EPC2: variants seen among roughly 807,000 people sequenced by gnomAD.
EPC2 encodes enhancer of polycomb homolog 2.
EPC2 carries 14 observed loss-of-function variants against 92.1 expected under a neutral mutation model. The ratio of observed to expected loss-of-function variants is 0.15; its 90% CI spans 0.10 to 0.24. The LOEUF (loss-of-function observed/expected upper bound fraction) is 0.24. Among genes scored for constraint, EPC2 ranks in the 10% least tolerant of loss-of-function variants. The pLI, the probability that EPC2 is intolerant of heterozygous loss-of-function variation, is 1.00. For missense variants in EPC2, 755 were observed against 971.5 expected, an observed-to-expected ratio of 0.78 and a Z score of 2.96; for synonymous variants, 340 against 334.7, an observed-to-expected ratio of 1.02 and a Z score of -0.17.
intron 2 of EPC2, among the ~76,000 whole-genome samples, chr2:148,701,490 T>G (rs1481159309): frequency 6.6e-6 from 1 of 152,246 alleles, no homozygotes; most frequent in African/African-American, 2.4e-5. Context: ...TGTCAAATGC[T>G]TTTTCTACAT....
At chr2:148,678,889 AG>A (rs943048405) in intron 1 of EPC2, among the ~76,000 whole-genome samples, 14 of 152,232 alleles carry the variant, frequency 9.2e-5, no homozygotes, top group Non-Finnish European at 2.1e-4. Context: ...GTGGGAGCCC[AG>A]GCAGAGGAGG....
chr2:148,752,617 A>G (rs1215266307), intron 3 of EPC2, among the ~76,000 whole-genome samples: 1 of 152,190 alleles, frequency 6.6e-6, no homozygotes, highest in East Asian at 1.9e-4. Context: ...AATGCACTAA[A>G]TGTAATTGTG....
Position 148,783,629 on chromosome 2 carries a change from A to G in EPC2, c.1890A>G (p.Thr630=). The change falls in exon 12 of 14, where the codon ACA becomes ACG. Residue 630 remains threonine (T), a synonymous_variant. Transcript: ENST00000258484. Reference sequence around the variant, plus strand: ...GCACCTCTGACTGTATGTCTAAAACACTTGACTCAGCCAGCGCCCACTTTG... The same window carrying G: ...GCACCTCTGACTGTATGTCTAAAACGCTTGACTCAGCCAGCGCCCACTTTG... The part of the protein sequence containing the change: ...GSSTSDCMSK[T]LDSASAHFAA... 1.2e-6 allele frequency: 2 copies of G among 1,608,076 alleles called. No individual in the cohort carries two copies. The highest frequency in any genetic ancestry group is 1.7e-6 in the Non-Finnish European group (2 of 1,177,048).
chr2:148,668,630 G>T (rs576314014), intron 1 of EPC2, among the ~76,000 whole-genome samples: 41 of 152,294 alleles, frequency 2.7e-4, no homozygotes, highest in African/African-American at 9.6e-4. Flanking sequence ...AAGGCTAACA[G>T]TTTCTTCCCA....
chr2:148,647,698 T>A (rs1683833084), intron 1 of EPC2, among the ~76,000 whole-genome samples: 1 of 141,284 alleles, frequency 7.1e-6, no homozygotes, highest in South Asian at 2.3e-4. Flanking sequence ...AGTGGCGCGA[T>A]CTCAGCTCAC....
Position 148,653,268 on chromosome 2 carries a change from T to C in EPC2, c.153+8098T>C, listed in dbSNP as rs983339725. 7.2e-5 allele frequency among the ~76,000 whole-genome samples: 11 copies of C among 152,246 alleles called. 1 individual carries two copies. Among genetic ancestry groups the C allele is most frequent in the Admixed American group, 2.6e-4 (4 of 15,288 alleles). ...GTTGTATTGGTAAACAATGCAGCTC[T>C]GCATCTTCATTTAGTTTTAAGTAGA... On this transcript the variant is annotated intron_variant, in intron 1 of 13. Coordinates refer to ENST00000258484, the MANE Select transcript of EPC2 (RefSeq NM_015630.4).
At chr2:148,764,464 C>T (rs751787875) in intron 6 of EPC2, among the ~76,000 whole-genome samples, 5 of 152,098 alleles carry the variant, frequency 3.3e-5, no homozygotes, top group Admixed American at 1.3e-4. Flanking sequence ...ATTATACATT[C>T]TAAAAAGTGA....
At chr2:148,658,609 A>G (rs2382240) in intron 1 of EPC2, among the ~76,000 whole-genome samples, 451 of 8,306 alleles carry the variant, frequency 0.054, 3 homozygotes, top group Middle Eastern at 0.36. Flanking sequence ...GTGTGTGTGT[A>G]TATATATATA....
chr2:148,779,370 C>T (rs1423066820), intron 10 of EPC2, among the ~76,000 whole-genome samples: 1 of 152,106 alleles, frequency 6.6e-6, no homozygotes, highest in African/African-American at 2.4e-5. Flanking sequence ...TCATTTGCAG[C>T]CATGAACTGG....
intron 2 of EPC2, among the ~76,000 whole-genome samples, chr2:148,696,836 G>A (rs1435715087): frequency 1.3e-5 from 2 of 152,128 alleles, no homozygotes; most frequent in African/African-American, 2.4e-5. Context: ...AGAGACTAAA[G>A]GAAATTTGCC....
chr2:148,782,545 A>C lies in EPC2; in HGVS notation c.1857+765A>C, dbSNP rs1056040288. Among the ~76,000 whole-genome samples, 8 of 103,722 alleles carry C rather than the reference A, an allele frequency of 7.7e-5. No individual in the cohort carries two copies. In the East Asian group the frequency reaches 2.1e-3, roughly 27 times the overall value. The allele number at this position is 103,722 out of a possible 152,430, so 68.0% of individuals were successfully genotyped here. ...GAGTCAGACTATGTCTCCAAAAAAA[A>C]CAAAAAAAATTAATTAAAATTTTTT... On this transcript the variant is annotated intron_variant, in intron 11 of 13. Transcript: ENST00000258484.
intron 13 of EPC2, 120 bp downstream of exon 13, chr2:148,785,121 A>G (rs1159049186): frequency 3.8e-6 from 3 of 789,336 alleles, no homozygotes; most frequent in African/African-American, 1.8e-5. Context: ...GATTTTCAAT[A>G]GATACTGAAG....
intron 12 of EPC2, among the ~76,000 whole-genome samples, chr2:148,784,373 A>C (rs1683818458): frequency 6.6e-6 from 1 of 152,230 alleles, no homozygotes; most frequent in Non-Finnish European, 1.5e-5. Flanking sequence ...AGGGAAACCC[A>C]ACTGTCATTT....
At chr2:148,696,547 G>C (rs924536145) in intron 2 of EPC2, among the ~76,000 whole-genome samples, 14 of 152,210 alleles carry the variant, frequency 9.2e-5, no homozygotes, top group African/African-American at 3.4e-4. Flanking sequence ...TTGATGTATA[G>C]TGGCACATAT....
chr2:148,753,148 A>G (rs1304910587), intron 3 of EPC2, among the ~76,000 whole-genome samples: 1 of 152,216 alleles, frequency 6.6e-6, no homozygotes, highest in Non-Finnish European at 1.5e-5. Flanking sequence ...AATATGACCA[A>G]GCAAATGTTT....
At chr2:148,647,723 C>T (rs1366604588) in intron 1 of EPC2, among the ~76,000 whole-genome samples, 1 of 150,184 alleles carries the variant, frequency 6.7e-6, no homozygotes, top group Non-Finnish European at 1.5e-5. Context: ...ACCTTCGCCT[C>T]CCGGGTTCAA....
chr2:148,683,898 C>G (rs1229607871), intron 1 of EPC2, among the ~76,000 whole-genome samples: 8 of 152,200 alleles, frequency 5.3e-5, no homozygotes, highest in Non-Finnish European at 1.0e-4. Context: ...AGTGGGATTA[C>G]TGGATCAAAT....
At chr2:148,720,421 G>A (rs1350295054) in intron 2 of EPC2, among the ~76,000 whole-genome samples, 1 of 152,164 alleles carries the variant, frequency 6.6e-6, no homozygotes, top group East Asian at 1.9e-4. Context: ...AAGTGGGCCT[G>A]CAGAACAAGG....
rs1033668889 is a variant in EPC2, at chr2:148,762,749, C to T, written c.895C>T (p.Pro299Ser). 7 of 1,610,636 alleles carry T rather than the reference C, an allele frequency of 4.3e-6. No individual in the cohort carries two copies. Among genetic ancestry groups the T allele is most frequent in the Middle Eastern group, 1.6e-4 (1 of 6,068 alleles). The change falls in exon 6 of 14, where the codon CCA becomes TCA. Residue 299 changes from proline to serine, a missense_variant. Physicochemically the swap from Pro to Ser is moderately conservative, Grantham distance 74. Coordinates refer to ENST00000258484, the MANE Select transcript of EPC2 (RefSeq NM_015630.4). The part of the protein sequence containing the change: ...SRSEKELYAT[P>S]ATLHNGNHHK... ...ATCAGAAAAAGAGTTATATGCCACTCCAGCAACTCTTCATAATGGAAATCA... is the reference window on the plus strand; with the variant it reads ...ATCAGAAAAAGAGTTATATGCCACTTCAGCAACTCTTCATAATGGAAATCA...
Sources: allele counts gnomAD v4.1 joint callset (sites outside exome capture counted in the v4.1 genomes callset), GRCh38; gene constraint gnomAD v4.1.1; transcripts MANE v1.5; gene names NCBI Gene and HGNC (gene_info 2026-07-23, HGNC 2026-07-21).